The following CELSR1 variants were observed in gnomAD, a reference collection of about 807,000 sequenced individuals.
The protein encoded by CELSR1 is cadherin EGF LAG seven-pass G-type receptor 1.
A neutral mutation model predicts 249.1 loss-of-function variants in CELSR1; 110 were observed. That is an observed-to-expected ratio of 0.44 (90% CI 0.38 to 0.52). The LOEUF (loss-of-function observed/expected upper bound fraction) is 0.52, where lower values mean the gene tolerates loss of function less well. CELSR1 is among the 20% of genes least tolerant of loss of function. The pLI is 0.00. For synonymous variants in CELSR1, 2,113 were observed against 1,900.0 expected, an observed-to-expected ratio of 1.11 and a Z score of -2.92; for missense variants, 4,109 against 4,296.4, an observed-to-expected ratio of 0.96 and a Z score of 1.22.
In CELSR1 at chr22:46,448,440, C is replaced by T; in HGVS notation, c.4184-9029G>A. The stretch of plus-strand genomic sequence containing the variant: ...GAGAGGGGGCACAGCAGGCAGAGAA[C>T]CTCAGGACCTGGGGGAGGGCTGGGA... On this transcript the variant is annotated intron_variant, in intron 2 of 34. Transcript: ENST00000674500. The surrounding 1 kb of genome is among the most constrained non-coding windows in gnomAD (Gnocchi z 5.7). 2 of 325,290 alleles carry T rather than the reference C, an allele frequency of 6.1e-6. No homozygotes were observed. The highest frequency in any genetic ancestry group is 1.2e-5 in the Non-Finnish European group (2 of 166,362). 20.2% of individuals were successfully genotyped at this position (325,290 alleles called of 1,614,324 possible). A position where few individuals can be genotyped will look rare whatever the true frequency, so the allele number is the denominator to read the frequency against.
At position 46,518,478 on chromosome 22, in the gene CELSR1, G is replaced by A. The variant is rs918833121; in HGVS notation, c.3544+15149C>T. On this transcript the variant is annotated intron_variant, in intron 1 of 34. Coordinates refer to ENST00000674500, the MANE Select transcript of CELSR1 (RefSeq NM_001378328.1). This position sits in a 1 kb window ranked among gnomAD's most constrained non-coding sequence, Gnocchi z 5.2. ...GATCCCACTGAGAAGGGAGGCCTCGGTTATCTGATTTAACACGAAGAAACC... is the reference window on the plus strand; with the variant it reads ...GATCCCACTGAGAAGGGAGGCCTCGATTATCTGATTTAACACGAAGAAACC... Among the ~76,000 whole-genome samples the A allele has an allele frequency of 2.0e-5, 3 of 152,236 alleles. No individual in the cohort carries two copies. Among genetic ancestry groups the A allele is most frequent in the Non-Finnish European group, 4.4e-5 (3 of 68,050 alleles).
intron 2 of CELSR1, among the ~76,000 whole-genome samples, chr22:46,459,141 G>A (rs978640712): frequency 2.6e-5 from 4 of 152,144 alleles, no homozygotes; most frequent in African/African-American, 9.7e-5. Flanking sequence ...ACGTGCCTCG[G>A]CCTCCCAAAG....
In CELSR1 at chr22:46,381,092, A is replaced by T; in HGVS notation, c.7089-137T>A. ...AATCACACTCCGAGAGCTCGGACCC[A>T]CGGACCCCACAGTATCTTCATCCCT... On this transcript the variant is annotated intron_variant, in intron 21 of 34. Transcript: ENST00000674500. The surrounding 1 kb of genome is among the most constrained non-coding windows in gnomAD (Gnocchi z 6.0). 1 of 851,328 alleles carries T rather than the reference A, an allele frequency of 1.2e-6. No individual in the cohort carries two copies. The highest frequency in any genetic ancestry group is 1.7e-5 in the South Asian group (1 of 57,928). The allele number at this position is 851,328 out of a possible 1,614,324, so 52.7% of individuals were successfully genotyped here.
intron 1 of CELSR1, among the ~76,000 whole-genome samples, chr22:46,489,762 G>A (rs1391724485): frequency 2.0e-5 from 3 of 151,952 alleles, no homozygotes; most frequent in Non-Finnish European, 4.4e-5. Flanking sequence ...GGGCGTGGTG[G>A]TGCACATCTG....
At chr22:46,365,555 A>G in intron 31 of CELSR1, 31 bp downstream of exon 31, 1 of 1,562,618 alleles carries the variant, frequency 6.4e-7, no homozygotes, top group Non-Finnish European at 8.7e-7. Context: ...AAAACAACCC[A>G]CGGGGTCCTC....
chr22:46,473,605 C>A lies in CELSR1; in HGVS notation c.3545-9260G>T, dbSNP rs1417427972. Among the ~76,000 whole-genome samples, 1 of 152,182 alleles carries A rather than the reference C, an allele frequency of 6.6e-6. No homozygotes were observed. The highest frequency in any genetic ancestry group is 1.5e-5 in the Non-Finnish European group (1 of 68,030). On this transcript the variant is annotated intron_variant, in intron 1 of 34. Transcript: ENST00000674500. This position sits in a 1 kb window ranked among gnomAD's most constrained non-coding sequence, Gnocchi z 6.6. ...CCTGGTTAGGGCAGCCCATGATGCC[C>A]TCGGGGTCCAGAGTCATTCCCCGTG...
Position 46,433,541 on chromosome 22 carries a change from C to A in CELSR1, c.4523-60G>T. The A allele has an allele frequency of 7.4e-7, 1 of 1,352,158 alleles. No individual in the cohort carries two copies. Among genetic ancestry groups the A allele is most frequent in the Non-Finnish European group, 1.0e-6 (1 of 958,604 alleles). 83.8% of individuals were successfully genotyped at this position (1,352,158 alleles called of 1,614,324 possible). ...GGGGTTGGCGGGGCCTACTGGGGAC[C>A]GAGGATTGCGCTGTGAGGCATCAGG... On this transcript the variant is annotated intron_variant, in intron 4 of 34. Transcript: ENST00000674500. This position sits in a 1 kb window ranked among gnomAD's most constrained non-coding sequence, Gnocchi z 5.7.
intron 22 of CELSR1, among the ~76,000 whole-genome samples, chr22:46,379,126 G>C (rs2078950397): frequency 6.6e-6 from 1 of 152,218 alleles, no homozygotes; most frequent in African/African-American, 2.4e-5. Flanking sequence ...TCACACAGCT[G>C]CGATGCGGTC....
intron 1 of CELSR1, among the ~76,000 whole-genome samples, chr22:46,521,465 A>T (rs184842905): frequency 7.3e-5 from 11 of 151,578 alleles, no homozygotes. Flanking sequence ...AGATCGCGCC[A>T]CTGCACTCCA....
Position 46,391,021 on chromosome 22 carries a change from C to T in CELSR1, c.6250+165G>A, listed in dbSNP as rs1232240991. 6.6e-6 allele frequency among the ~76,000 whole-genome samples: 1 copy of T among 152,246 alleles called. No homozygotes were observed. The highest frequency in any genetic ancestry group is 1.5e-5 in the Non-Finnish European group (1 of 68,046). On this transcript the variant is annotated intron_variant, in intron 16 of 34. Transcript: ENST00000674500. The surrounding 1 kb of genome is among the most constrained non-coding windows in gnomAD (Gnocchi z 4.3). ...ATGTTTCTGTTGCGCCCTCTGCCTG[C>T]TTTGTGTATTTCCTGGTAGGGAAAA...
rs546234415 is a variant in CELSR1, at chr22:46,401,491, G to A, written c.5227-1589C>T. ...GTGGCGTGTGCTTCCCTGCAAGGCC[G>A]TCAGCTGGTTCTGGAAGACACAGTG... On this transcript the variant is annotated intron_variant, in intron 9 of 34. Transcript: ENST00000674500. The surrounding 1 kb of genome is among the most constrained non-coding windows in gnomAD (Gnocchi z 4.7). 3.3e-5 allele frequency among the ~76,000 whole-genome samples: 5 copies of A among 152,342 alleles called. No homozygotes were observed. Among genetic ancestry groups the A allele is most frequent in the South Asian group, 2.1e-4 (1 of 4,828 alleles).
chr22:46,485,696 G>C (rs1411205279), intron 1 of CELSR1, among the ~76,000 whole-genome samples: 2 of 152,194 alleles, frequency 1.3e-5, no homozygotes, highest in African/African-American at 4.8e-5. Context: ...CTGCGCCCAT[G>C]GGGTTTGTGT....
intron 1 of CELSR1, among the ~76,000 whole-genome samples, chr22:46,479,110 T>C (rs2147654248): frequency 6.6e-6 from 1 of 151,692 alleles, no homozygotes; most frequent in African/African-American, 2.4e-5. Flanking sequence ...TGTGCCACTA[T>C]CTCCATCTTC....
At chr22:46,522,327 T>C (rs751367889) in intron 1 of CELSR1, among the ~76,000 whole-genome samples, 9 of 152,234 alleles carry the variant, frequency 5.9e-5, no homozygotes, top group Middle Eastern at 6.8e-3. Flanking sequence ...TTGGTAGAAA[T>C]TGCCAATTCC....
chr22:46,478,153 G>C (rs1220812669), intron 1 of CELSR1, among the ~76,000 whole-genome samples: 1 of 152,166 alleles, frequency 6.6e-6, no homozygotes, highest in Non-Finnish European at 1.5e-5. Context: ...CGAGCTCAGG[G>C]CTCCTTGGCT....
At chr22:46,507,181 T>C (rs1457033498) in intron 1 of CELSR1, among the ~76,000 whole-genome samples, 1 of 152,118 alleles carries the variant, frequency 6.6e-6, no homozygotes. Flanking sequence ...AGTGAAACTC[T>C]GTCTAAAAAA....
chr22:46,487,825 G>A (rs761922557), intron 1 of CELSR1, among the ~76,000 whole-genome samples: 138 of 138,178 alleles, frequency 1.0e-3, no homozygotes, highest in Admixed American at 1.1e-3. Flanking sequence ...CCAAAGTGCT[G>A]AAGGGGTTGG....
chr22:46,433,975 G>A lies in CELSR1; in HGVS notation c.4523-494C>T, dbSNP rs894070512. ...TGGGATAACGGGCGTGAGCCACCGC[G>A]CCTGGCCTTGTTCCTTTTCTAAATA... On this transcript the variant is annotated intron_variant, in intron 4 of 34. Coordinates refer to ENST00000674500, the MANE Select transcript of CELSR1 (RefSeq NM_001378328.1). This position sits in a 1 kb window ranked among gnomAD's most constrained non-coding sequence, Gnocchi z 5.7. Among the ~76,000 whole-genome samples the A allele has an allele frequency of 6.6e-6, 1 of 152,176 alleles. No individual in the cohort carries two copies.
At chr22:46,496,359 G>A (rs1002046156) in intron 1 of CELSR1, among the ~76,000 whole-genome samples, 38 of 152,230 alleles carry the variant, frequency 2.5e-4, no homozygotes, top group Non-Finnish European at 4.7e-4. Context: ...CCTGAGGTCA[G>A]GAGTTCGAGT....
Sources: allele counts gnomAD v4.1 joint callset (sites outside exome capture counted in the v4.1 genomes callset), GRCh38; gene constraint gnomAD v4.1.1; non-coding constraint Gnocchi (gnomAD v3.1); transcripts MANE v1.5; gene names NCBI Gene and HGNC (gene_info 2026-07-23, HGNC 2026-07-21).